The following DOCK2 variants were observed in gnomAD, a reference collection of about 807,000 sequenced individuals.
The protein encoded by DOCK2 is dedicator of cytokinesis 2.
DOCK2 carries 87 observed loss-of-function variants against 248.9 expected under a neutral mutation model. The ratio of observed to expected loss-of-function variants is 0.35; its 90% CI spans 0.29 to 0.42. The LOEUF (loss-of-function observed/expected upper bound fraction) is 0.42. DOCK2 is among the 10% of genes least tolerant of loss of function. The pLI is 1.00. For synonymous variants in DOCK2, 805 were observed against 821.6 expected, an observed-to-expected ratio of 0.98 and a Z score of 0.35; for missense variants, 1,747 against 2,300.2, an observed-to-expected ratio of 0.76 and a Z score of 4.92.
At chr5:169,894,703 G>A (rs1272330036) in intron 27 of DOCK2, among the ~76,000 whole-genome samples, 1 of 152,190 alleles carries the variant, frequency 6.6e-6, no homozygotes, top group Non-Finnish European at 1.5e-5. Context: ...GTGCCCAGCA[G>A]CATGTGCAAC....
At chr5:170,012,107 C>G (rs1371775683) in intron 32 of DOCK2, among the ~76,000 whole-genome samples, 1 of 152,204 alleles carries the variant, frequency 6.6e-6, no homozygotes, top group Non-Finnish European at 1.5e-5. Flanking sequence ...AAGCCAGTGA[C>G]TGAATTGAGG....
chr5:169,778,380 A>T (rs542328008), intron 25 of DOCK2, among the ~76,000 whole-genome samples: 47 of 152,332 alleles, frequency 3.1e-4, no homozygotes, highest in African/African-American at 1.1e-3. Context: ...TTTTGTTCTT[A>T]TAAATATTGG....
At chr5:169,939,045 A>G (rs1198233905) in intron 27 of DOCK2, among the ~76,000 whole-genome samples, 2 of 151,774 alleles carry the variant, frequency 1.3e-5, no homozygotes, top group Non-Finnish European at 2.9e-5. Context: ...CTGGGACTAC[A>G]GGCATGCACC....
intron 48 of DOCK2, 77 bp downstream of exon 48, chr5:170,077,914 C>G (rs79829985): frequency 6.6e-6 from 8 of 1,203,494 alleles, no homozygotes; most frequent in Middle Eastern, 2.1e-4. Flanking sequence ...CTCTCTTCTC[C>G]GGCAACATCC....
At chr5:169,878,024 T>A (rs915952714) in intron 27 of DOCK2, among the ~76,000 whole-genome samples, 7 of 152,202 alleles carry the variant, frequency 4.6e-5, no homozygotes, top group African/African-American at 1.7e-4. Context: ...ACCAAGCAGT[T>A]TTTTCCTGGG....
chr5:169,901,312 G>T (rs1416448797), intron 27 of DOCK2, among the ~76,000 whole-genome samples: 1 of 152,196 alleles, frequency 6.6e-6, no homozygotes, highest in Non-Finnish European at 1.5e-5. Context: ...GCAGGCCACA[G>T]TTGGTCTTGA....
intron 14 of DOCK2, among the ~76,000 whole-genome samples, chr5:169,706,855 G>C (rs2113499961): frequency 6.6e-6 from 1 of 152,330 alleles, no homozygotes; most frequent in East Asian, 1.9e-4. Context: ...TTTCCAGTGT[G>C]AAGGGCGAGT....
At position 169,718,693 on chromosome 5, in the gene DOCK2, C is replaced by T. The variant is rs1178152369; in HGVS notation, c.2169C>T (p.Thr723=). 1.2e-6 allele frequency: 2 copies of T among 1,613,622 alleles called. No individual in the cohort carries two copies. The highest frequency in any genetic ancestry group is 1.7e-6 in the Non-Finnish European group (2 of 1,179,798). ...LMTVLKTYLD[T]SSRGEQCEPI... is the part of the protein sequence containing the mutation. ...CAGTGCTGAAGACTTACTTGGATAC[C>T]TCCAGCAGAGGGGAGCAATGTGAGC... The change falls in exon 22 of 52, where the codon ACC becomes ACT. Residue 723 remains threonine (T), a synonymous_variant. Coordinates refer to ENST00000520908, the MANE Select transcript of DOCK2 (RefSeq NM_004946.3).
intron 25 of DOCK2, among the ~76,000 whole-genome samples, chr5:169,783,375 T>C (rs1765814930): frequency 6.6e-6 from 1 of 152,222 alleles, no homozygotes; most frequent in African/African-American, 2.4e-5. Context: ...GGTTTCATAG[T>C]TGAATTGTAT....
chr5:170,047,430 G>A, intron 39 of DOCK2, 80 bp from the exon 40 acceptor site: 1 of 1,245,184 alleles, frequency 8.0e-7, no homozygotes, highest in African/African-American at 1.5e-5. Context: ...TAATGAAAAT[G>A]TCTTCACCAA....
At chr5:169,679,478 A>G (rs1581021401) in intron 6 of DOCK2, among the ~76,000 whole-genome samples, 1 of 152,252 alleles carries the variant, frequency 6.6e-6, no homozygotes, top group Admixed American at 6.5e-5. Context: ...TTGATGTCCA[A>G]GGATTGAGGA....
At chr5:169,705,369 T>C (rs1432701644) in intron 14 of DOCK2, among the ~76,000 whole-genome samples, 1 of 152,094 alleles carries the variant, frequency 6.6e-6, no homozygotes, top group African/African-American at 2.4e-5. Flanking sequence ...GAAACCTCTG[T>C]TTTTCTGAGA....
At chr5:169,746,502 A>G (rs1763622690) in intron 22 of DOCK2, among the ~76,000 whole-genome samples, 1 of 152,084 alleles carries the variant, frequency 6.6e-6, no homozygotes, top group Admixed American at 6.5e-5. Flanking sequence ...GTGACAGGAG[A>G]GACTCTCTTT....
At chr5:169,866,007 A>G (rs1177587379) in intron 27 of DOCK2, among the ~76,000 whole-genome samples, 1 of 151,728 alleles carries the variant, frequency 6.6e-6, no homozygotes, top group Non-Finnish European at 1.5e-5. Flanking sequence ...TCTGAGATGG[A>G]AGAGGCAGGG....
intron 27 of DOCK2, among the ~76,000 whole-genome samples, chr5:169,844,376 G>A (rs1026702583): frequency 1.3e-5 from 2 of 152,210 alleles, no homozygotes. Context: ...TGCCTACTGT[G>A]TGTGCGTGAT....
At position 169,674,450 on chromosome 5, in the gene DOCK2, C is replaced by T. The variant is rs751428460; in HGVS notation, c.470+5C>T. ...CAAAATTGACTATGGCAACAAGTAA[C>T]CTCTCTTTCCTCTGCAAAGAGGTTT... is the stretch of plus-strand genomic sequence containing the variant. On this transcript the variant is annotated splice_donor_5th_base_variant and intron_variant, in intron 6 of 51. Coordinates refer to ENST00000520908, the MANE Select transcript of DOCK2 (RefSeq NM_004946.3). The T allele has an allele frequency of 6.2e-7, 1 of 1,613,978 alleles. No homozygotes were observed. Among genetic ancestry groups the T allele is most frequent in the South Asian group, 1.1e-5 (1 of 91,064 alleles).
rs749352590 is a variant in DOCK2 at position 169,684,347 on chromosome 5, T to C, written c.758T>C (p.Ile253Thr). Residue 253 changes from isoleucine to threonine, a missense_variant, in exon 8 of 52, where the codon ATA becomes ACA. This residue lies in a region of DOCK2 where 375 missense variants were observed against 510.9 expected (regional missense o/e 0.73). Coordinates refer to ENST00000520908, the MANE Select transcript of DOCK2 (RefSeq NM_004946.3). ...TACGACCCCAACAAGCAAACGGTCA[T>C]AAGGTAGGTGTGTCCAGGGTTGCCC... ...SLYDPNKQTV[I>T]SENYLVRWGS... The C allele has an allele frequency of 1.3e-5, 21 of 1,614,002 alleles. No individual in the cohort carries two copies. The highest frequency in any genetic ancestry group is 1.8e-5 in the Non-Finnish European group (21 of 1,179,984).
chr5:170,052,406 G>A (rs1433774214), intron 41 of DOCK2, among the ~76,000 whole-genome samples: 1 of 152,188 alleles, frequency 6.6e-6, no homozygotes. Context: ...GCAAGGGAGA[G>A]AGTACGTGTT....
intron 27 of DOCK2, among the ~76,000 whole-genome samples, chr5:169,923,739 A>G (rs33372): frequency 0.36 from 55,066 of 152,160 alleles, 10,509 homozygotes; most frequent in East Asian, 0.56. Flanking sequence ...AAATGTGAGT[A>G]ACTGTGTTTA....
Sources: gnomAD v4.1 joint callset for allele counts (sites outside exome capture counted in the v4.1 genomes callset) on GRCh38, gnomAD v4.1.1 for gene constraint, gnomAD v4.1.1 regional missense constraint, MANE v1.5 for transcripts, NCBI Gene and HGNC (gene_info 2026-07-23, HGNC 2026-07-21) for gene names.